RBFOX1: variants seen among roughly 807,000 people sequenced by gnomAD.
The protein encoded by RBFOX1 is RNA binding protein fox-1 homolog 1.
A neutral mutation model predicts 57.7 loss-of-function variants in RBFOX1; 8 were observed. The observed-to-expected ratio is 0.14, with a 90% CI of 0.08 to 0.25. RBFOX1 has a LOEUF of 0.25. RBFOX1 is among the 10% of genes least tolerant of loss of function. The pLI is 1.00. For missense variants in RBFOX1, 611 were observed against 548.5 expected, an observed-to-expected ratio of 1.11 and a Z score of -1.14; for synonymous variants, 326 against 222.4, an observed-to-expected ratio of 1.47 and a Z score of -4.15.
At chr16:7,195,153 GCATTT>G (rs1327974868) in intron 4 of RBFOX1, among the ~76,000 whole-genome samples, 1 of 152,096 alleles carries the variant, frequency 6.6e-6, no homozygotes, top group Admixed American at 6.6e-5. Context: ...GCCTCATATT[GCATTT>G]CTTGTTGGAC....
intron 3 of RBFOX1, among the ~76,000 whole-genome samples, chr16:5,836,212 G>T (rs965415053): frequency 1.3e-5 from 2 of 152,128 alleles, no homozygotes; most frequent in Non-Finnish European, 2.9e-5. Context: ...GGTGAGGCTG[G>T]GCCCAGGGGA....
intron 3 of RBFOX1, among the ~76,000 whole-genome samples, chr16:5,851,576 C>T (rs2056898495): frequency 6.6e-6 from 1 of 152,148 alleles, no homozygotes; most frequent in African/African-American, 2.4e-5. Flanking sequence ...CCCAGCCCAG[C>T]TGAAGCAATT....
At chr16:6,806,015 C>T (rs573859336) in intron 3 of RBFOX1, among the ~76,000 whole-genome samples, 1 of 152,260 alleles carries the variant, frequency 6.6e-6, no homozygotes, top group East Asian at 1.9e-4. Context: ...TGTGGGTATT[C>T]ATACTCAAAA....
chr16:7,369,841 A>T (rs541352126), intron 4 of RBFOX1, among the ~76,000 whole-genome samples: 76 of 152,326 alleles, frequency 5.0e-4, no homozygotes, highest in African/African-American at 1.7e-3. Context: ...AGTACTATCA[A>T]TTTCATTATC....
chr16:5,471,487 G>T (rs1054532220), intron 2 of RBFOX1, among the ~76,000 whole-genome samples: 1 of 152,108 alleles, frequency 6.6e-6, no homozygotes, highest in African/African-American at 2.4e-5. Flanking sequence ...ATTGCTGGCA[G>T]CCCAGGAAGC....
chr16:6,547,947 G>A (rs111326149), intron 2 of RBFOX1, among the ~76,000 whole-genome samples: 2,775 of 152,240 alleles, frequency 0.018, 85 homozygotes, highest in African/African-American at 0.062. Context: ...CCCTTAGCTG[G>A]GAAACGTAGA....
Position 5,324,514 on chromosome 16 carries a change from C to T in RBFOX1, c.219+84409C>T, listed in dbSNP as rs958770325. Among the ~76,000 whole-genome samples the T allele has an allele frequency of 2.6e-5, 4 of 152,088 alleles. No individual in the cohort carries two copies. The East Asian group carries it at 5.8e-4, about 22-fold the overall frequency. ...GCCCTGCCCCAAACCTTATTAGAACCTACATTATCAGTATTCACAATAGCA... is the reference window on the plus strand; with the variant it reads ...GCCCTGCCCCAAACCTTATTAGAACTTACATTATCAGTATTCACAATAGCA... On this transcript the variant is annotated intron_variant, in intron 1 of 2. Coordinates refer to the RBFOX1 transcript ENST00000585867.
chr16:6,909,555 C>T (rs1817566168), intron 3 of RBFOX1, among the ~76,000 whole-genome samples: 2 of 152,186 alleles, frequency 1.3e-5, no homozygotes, highest in Admixed American at 1.3e-4. Context: ...CTCCAGCAAA[C>T]ATGCATTCAT....
At chr16:7,166,029 G>C (rs1191806194) in intron 4 of RBFOX1, among the ~76,000 whole-genome samples, 1 of 151,394 alleles carries the variant, frequency 6.6e-6, no homozygotes, top group Non-Finnish European at 1.5e-5. Context: ...TGTTGTTGTT[G>C]TTGAGGTGGA....
At chr16:7,425,361 C>T (rs1598137086) in intron 4 of RBFOX1, among the ~76,000 whole-genome samples, 1 of 152,162 alleles carries the variant, frequency 6.6e-6, no homozygotes. Context: ...TACGAGTTAC[C>T]TTCTCCACGT....
chr16:6,774,500 T>C (rs988700882), intron 3 of RBFOX1, among the ~76,000 whole-genome samples: 2 of 152,212 alleles, frequency 1.3e-5, no homozygotes, highest in African/African-American at 4.8e-5. Flanking sequence ...GCATGAATTC[T>C]GATAGTCATT....
At chr16:6,456,074 C>T (rs922807221) in intron 2 of RBFOX1, among the ~76,000 whole-genome samples, 5 of 152,112 alleles carry the variant, frequency 3.3e-5, no homozygotes, top group African/African-American at 9.7e-5. Flanking sequence ...CTTTATATGT[C>T]GAGCTATATT....
intron 4 of RBFOX1, chr16:7,332,939 A>G: frequency 6.2e-7 from 1 of 1,610,470 alleles, no homozygotes; most frequent in Admixed American, 1.7e-5. Context: ...GGGTCTATAG[A>G]TTTCCCCCTA....
intron 5 of RBFOX1, among the ~76,000 whole-genome samples, chr16:7,525,765 C>T (rs762969749): frequency 2.0e-5 from 3 of 152,138 alleles, no homozygotes; most frequent in Non-Finnish European, 4.4e-5. Context: ...CTCTTTTGGT[C>T]GCCATCTTGT....
chr16:7,006,143 A>C (rs976304406), intron 3 of RBFOX1, among the ~76,000 whole-genome samples: 3 of 151,820 alleles, frequency 2.0e-5, no homozygotes, highest in African/African-American at 4.8e-5. Flanking sequence ...AATGTCATTA[A>C]ATTTATTTAT....
chr16:5,278,857 A>C (rs887481311), intron 1 of RBFOX1, among the ~76,000 whole-genome samples: 2 of 152,166 alleles, frequency 1.3e-5, no homozygotes, highest in Non-Finnish European at 2.9e-5. Context: ...TCCTTTATTC[A>C]ATGTATGTTC....
chr16:6,932,676 C>G (rs1428729624), intron 3 of RBFOX1, among the ~76,000 whole-genome samples: 9 of 152,150 alleles, frequency 5.9e-5, no homozygotes, highest in Admixed American at 4.6e-4. Context: ...TTCTGAAGTG[C>G]TCAAACACAT....
intron 3 of RBFOX1, among the ~76,000 whole-genome samples, chr16:6,723,183 T>C (rs376636464): frequency 6.6e-6 from 1 of 152,194 alleles, no homozygotes; most frequent in Non-Finnish European, 1.5e-5. Context: ...CAGTGTAATA[T>C]AGTGGATAAA....
intron 3 of RBFOX1, among the ~76,000 whole-genome samples, chr16:6,756,525 G>A (rs888567571): frequency 2.0e-5 from 3 of 152,118 alleles, no homozygotes; most frequent in Non-Finnish European, 4.4e-5. Flanking sequence ...GCAGCAAAGA[G>A]AGGATCTGTA....
Sources: allele counts gnomAD v4.1 joint callset (sites outside exome capture counted in the v4.1 genomes callset), GRCh38; gene constraint gnomAD v4.1.1; transcripts MANE v1.5; gene names NCBI Gene and HGNC (gene_info 2026-07-23, HGNC 2026-07-21).